CDK14: variants seen among roughly 807,000 people sequenced by gnomAD.
CDK14 encodes the protein cyclin dependent kinase 14, also known as cyclin-dependent kinase 14.
CDK14 carries 34 observed loss-of-function variants against 60.7 expected under a neutral mutation model. That is an observed-to-expected ratio of 0.56 (90% confidence interval 0.43 to 0.75). CDK14 has a LOEUF of 0.75. Ranked by LOEUF, CDK14 falls within the 30% of genes least tolerant of loss-of-function variation. The pLI is 0.00. For missense variants in CDK14, 482 were observed against 564.1 expected (o/e 0.85, Z 1.47); for synonymous variants, 197 against 203.7 (o/e 0.97, Z 0.28).
chr7:90,861,234 A>G (rs1790998675), intron 5 of CDK14, among the ~76,000 whole-genome samples: 1 of 152,154 alleles, frequency 6.6e-6, no homozygotes, highest in Admixed American at 6.5e-5. Context: ...TACTGTTCCT[A>G]TGGGAGAAGG....
chr7:90,919,713 A>G (rs183511399), intron 8 of CDK14, among the ~76,000 whole-genome samples: 6 of 152,348 alleles, frequency 3.9e-5, no homozygotes, highest in Non-Finnish European at 2.9e-5. Flanking sequence ...AAGATTGACA[A>G]AATCATTTGT....
At chr7:91,198,169 C>T (rs1373539178) in intron 14 of CDK14, among the ~76,000 whole-genome samples, 1 of 152,116 alleles carries the variant, frequency 6.6e-6, no homozygotes, top group Admixed American at 6.5e-5. Context: ...TGTGTCCTCA[C>T]AAGAATAGAT....
chr7:91,154,633 C>T (rs1375733264), intron 14 of CDK14, among the ~76,000 whole-genome samples: 1 of 152,140 alleles, frequency 6.6e-6, no homozygotes, highest in Non-Finnish European at 1.5e-5. Flanking sequence ...GCTTCTCTTA[C>T]TGTGTCACCT....
chr7:90,846,438 G>T (rs1041311425), intron 5 of CDK14, among the ~76,000 whole-genome samples: 2 of 152,190 alleles, frequency 1.3e-5, no homozygotes, highest in African/African-American at 2.4e-5. Context: ...CTGCCAGTCT[G>T]TGCTGTTGCT....
intron 6 of CDK14, among the ~76,000 whole-genome samples, chr7:90,876,842 A>C (rs1231839235): frequency 6.6e-6 from 1 of 152,238 alleles, no homozygotes; most frequent in African/African-American, 2.4e-5. Flanking sequence ...ATTGTTGTGA[A>C]GTATATAAGT....
intron 12 of CDK14, among the ~76,000 whole-genome samples, chr7:91,103,512 C>A (rs2116321970): frequency 6.6e-6 from 1 of 152,236 alleles, no homozygotes; most frequent in African/African-American, 2.4e-5. Context: ...AAGTGAGAGG[C>A]ACTGTTTGTT....
chr7:91,057,476 T>A (rs1334485889), intron 11 of CDK14, among the ~76,000 whole-genome samples: 5 of 152,026 alleles, frequency 3.3e-5, no homozygotes, highest in Non-Finnish European at 5.9e-5. Flanking sequence ...ATGAAGTCCT[T>A]GCCCATGCCT....
chr7:91,051,569 T>C (rs1049812114), intron 11 of CDK14, among the ~76,000 whole-genome samples: 5 of 152,200 alleles, frequency 3.3e-5, no homozygotes, highest in African/African-American at 1.2e-4. Context: ...TGTGGGAAAG[T>C]CTTGAGGTGA....
intron 2 of CDK14, among the ~76,000 whole-genome samples, chr7:90,715,695 G>A (rs1310573233): frequency 2.0e-5 from 3 of 147,962 alleles, no homozygotes; most frequent in Non-Finnish European, 4.5e-5. Context: ...AGAGTTTTAA[G>A]GGAATAGTGT....
intron 6 of CDK14, among the ~76,000 whole-genome samples, chr7:90,868,432 A>T (rs1347511359): frequency 6.6e-6 from 1 of 152,074 alleles, no homozygotes; most frequent in East Asian, 1.9e-4. Context: ...CTCAGATTGT[A>T]TACATTAAGT....
At chr7:91,150,272 G>T (rs189851611) in intron 14 of CDK14, among the ~76,000 whole-genome samples, 1 of 151,978 alleles carries the variant, frequency 6.6e-6, no homozygotes, top group Non-Finnish European at 1.5e-5. Flanking sequence ...GGGACATTTC[G>T]TGTTTAAAAT....
At chr7:90,835,214 A>G (rs1790052676) in intron 5 of CDK14, among the ~76,000 whole-genome samples, 1 of 152,182 alleles carries the variant, frequency 6.6e-6, no homozygotes, top group Non-Finnish European at 1.5e-5. Context: ...TTATGGATAA[A>G]GTGGGAGGTG....
chr7:91,174,189 A>T (rs1801641192), intron 14 of CDK14, among the ~76,000 whole-genome samples: 1 of 152,000 alleles, frequency 6.6e-6, no homozygotes, highest in South Asian at 2.1e-4. Context: ...ACCCCCCAGC[A>T]GGGGCACACT....
At chr7:90,811,294 G>A (rs1412453735) in intron 5 of CDK14, among the ~76,000 whole-genome samples, 1 of 151,974 alleles carries the variant, frequency 6.6e-6, no homozygotes, top group East Asian at 1.9e-4. Context: ...ACAGAACAGA[G>A]CCCTCAGAAA....
At chr7:91,011,792 A>T (rs78835401) in intron 10 of CDK14, among the ~76,000 whole-genome samples, 22,695 of 151,932 alleles carry the variant, frequency 0.15, 1,927 homozygotes, top group Middle Eastern at 0.31. Context: ...AAAAGTTTTT[A>T]AAAAATCTCT....
intron 2 of CDK14, among the ~76,000 whole-genome samples, chr7:90,630,881 G>GGTGT (rs1160442832): frequency 2.5e-5 from 2 of 78,836 alleles, no homozygotes; most frequent in African/African-American, 5.2e-5. Flanking sequence ...TACATCTTGG[G>GGTGT]GTGTGTATGT....
At chr7:90,939,210 A>C (rs140590926) in intron 8 of CDK14, among the ~76,000 whole-genome samples, 20 of 152,332 alleles carry the variant, frequency 1.3e-4, no homozygotes, top group African/African-American at 4.8e-4. Context: ...TTATTGGAGA[A>C]GATAAAGGTA....
At chr7:90,688,405 C>G (rs897256650) in intron 2 of CDK14, among the ~76,000 whole-genome samples, 1 of 152,128 alleles carries the variant, frequency 6.6e-6, no homozygotes, top group Non-Finnish European at 1.5e-5. Flanking sequence ...ATGATTTAAT[C>G]TTTTTCTCTT....
chr7:91,004,699 T>C (rs55668933), intron 10 of CDK14, among the ~76,000 whole-genome samples: 35,779 of 152,048 alleles, frequency 0.24, 4,463 homozygotes, highest in Middle Eastern at 0.3. Context: ...GATCTGACCA[T>C]GGTAAATTAA....
Sources: allele counts gnomAD v4.1 joint callset (sites outside exome capture counted in the v4.1 genomes callset), GRCh38; gene constraint gnomAD v4.1.1; transcripts MANE v1.5; gene names NCBI Gene and HGNC (gene_info 2026-07-23, HGNC 2026-07-21).